Variants in TMEM116 observed in about 807,000 individuals in gnomAD.
TMEM116 encodes the protein transmembrane protein 116.
A neutral mutation model predicts 44.3 loss-of-function variants in TMEM116; 38 were observed. The ratio of observed to expected loss-of-function variants is 0.86; its 90% CI spans 0.66 to 1.12. The LOEUF is 1.12. Among genes scored for constraint, TMEM116 ranks in the 50% most tolerant of loss-of-function variants. TMEM116 has a pLI of 0.00. For synonymous variants in TMEM116, 132 were observed against 144.8 expected (o/e 0.91, Z 0.64); for missense variants, 354 against 401.7 (o/e 0.88, Z 1.01).
At chr12:111,998,705 C>A (rs867896727) in intron 3 of TMEM116, among the ~76,000 whole-genome samples, 3 of 152,116 alleles carry the variant, frequency 2.0e-5, no homozygotes, top group Non-Finnish European at 4.4e-5. Context: ...CCTGTAGTCC[C>A]AGCTACTTGG....
At chr12:111,995,463 G>A (rs113430299) in intron 3 of TMEM116, among the ~76,000 whole-genome samples, 11 of 152,254 alleles carry the variant, frequency 7.2e-5, no homozygotes, top group African/African-American at 2.6e-4. Context: ...TCAGTTCTAG[G>A]ACGGGCATGG....
intron 5 of TMEM116, among the ~76,000 whole-genome samples, chr12:111,938,701 G>A (rs1474642762): frequency 1.3e-5 from 2 of 152,102 alleles, no homozygotes; most frequent in South Asian, 2.1e-4. Flanking sequence ...GGTCAAATAT[G>A]CCCTTTGGAT....
chr12:111,959,350 A>G (rs12423436), intron 4 of TMEM116, among the ~76,000 whole-genome samples: 3 of 152,244 alleles, frequency 2.0e-5, no homozygotes, highest in Non-Finnish European at 4.4e-5. Flanking sequence ...TGAAGGAAGC[A>G]CTAAACATGG....
At chr12:111,935,613 CGTGTGTGTGTGTGTGTGTGTGTGT>C (rs35906022) in intron 8 of TMEM116, 4 of 120,298 alleles carry the variant, frequency 3.3e-5, no homozygotes, top group South Asian at 3.2e-4. Flanking sequence ...TGAGCCATCT[CGTGTGTGTGTGTGTGTGTGTGTGT>C]GTGTGTGTGT....
chr12:111,947,360 T>C (rs1487323814), intron 4 of TMEM116, among the ~76,000 whole-genome samples: 2 of 152,154 alleles, frequency 1.3e-5, no homozygotes, highest in African/African-American at 2.4e-5. Flanking sequence ...CTTTGGGTTA[T>C]TCCATTTGGC....
rs933924839 is a variant in TMEM116, at chr12:112,003,822, T to C, written c.56A>G (p.His19Arg). The C allele has an allele frequency of 4.0e-6, 6 of 1,514,058 alleles. No individual in the cohort carries two copies. Among genetic ancestry groups the C allele is most frequent in the African/African-American group, 1.4e-5 (1 of 71,496 alleles). The allele number at this position is 1,514,058 out of a possible 1,614,324, so 93.8% of individuals were successfully genotyped here. The change falls in exon 3 of 11, where the codon CAT (histidine) becomes CGT (arginine). Residue 19 changes from histidine (H) to arginine (R), a missense_variant. Transcript: ENST00000552374. ...CACCTCTGGAGATTTCTGTATATTA[T>C]GGAATACAGCATAGGCAATAAGTGA... ...SSSLIAYAVF[H>R]NIQKSPEIRP...
intron 4 of TMEM116, among the ~76,000 whole-genome samples, chr12:111,950,324 A>T (rs11066098): frequency 0.21 from 32,102 of 151,912 alleles, 3,818 homozygotes; most frequent in African/African-American, 0.32. Flanking sequence ...CCCAGAAACA[A>T]TGGAATAAGA....
intron 5 of TMEM116, among the ~76,000 whole-genome samples, chr12:111,941,140 G>A (rs1000667351): frequency 2.0e-5 from 3 of 152,218 alleles, no homozygotes; most frequent in African/African-American, 7.2e-5. Flanking sequence ...CACTTTGGGG[G>A]GCTGAGGAAG....
At chr12:112,000,099 AAAAC>A (rs1294439410) in intron 3 of TMEM116, among the ~76,000 whole-genome samples, 2 of 152,258 alleles carry the variant, frequency 1.3e-5, no homozygotes, top group Non-Finnish European at 2.9e-5. Flanking sequence ...TTAAAAAAGT[AAAAC>A]AAAATCATCA....
chr12:112,002,462 G>A (rs1445194063), intron 3 of TMEM116, among the ~76,000 whole-genome samples: 1 of 150,874 alleles, frequency 6.6e-6, no homozygotes, highest in Non-Finnish European at 1.5e-5. Context: ...CTACTTGGGA[G>A]GCTGAGGCAG....
At chr12:111,959,870 A>T (rs772480042) in intron 4 of TMEM116, among the ~76,000 whole-genome samples, 1 of 152,190 alleles carries the variant, frequency 6.6e-6, no homozygotes, top group Admixed American at 6.5e-5. Context: ...GTTCTTAGGG[A>T]CCTACAAAGA....
chr12:111,943,564 C>T (rs1468405701), intron 4 of TMEM116, among the ~76,000 whole-genome samples, 195 bp from the exon 5 acceptor site: 4 of 152,094 alleles, frequency 2.6e-5, no homozygotes, highest in East Asian at 1.9e-4. Flanking sequence ...ACAGAGTTTT[C>T]GCTATTGTTG....
rs1247859581 is a variant in TMEM116 at position 112,000,161 on chromosome 12, A to G, written c.78+3639T>C. On this transcript the variant is annotated intron_variant, in intron 3 of 10. Transcript: ENST00000552374. ...GATATATCAGAGAGTATTACTCCTC[A>G]ATAGTGTCTATAAATTTGAATTATT... Among the ~76,000 whole-genome samples, 5 of 152,262 alleles carry G rather than the reference A, an allele frequency of 3.3e-5. No homozygotes were observed. In the East Asian group the frequency reaches 9.6e-4, roughly 29 times the overall value.
At chr12:111,942,684 C>T (rs991555927) in intron 5 of TMEM116, among the ~76,000 whole-genome samples, 3 of 152,122 alleles carry the variant, frequency 2.0e-5, no homozygotes, top group South Asian at 2.1e-4. Context: ...GGCATGGAGT[C>T]AAGAAGAATT....
chr12:111,963,985 T>G (rs1018114019), intron 4 of TMEM116, among the ~76,000 whole-genome samples: 2 of 152,114 alleles, frequency 1.3e-5, no homozygotes. Context: ...ATGGTAGTTG[T>G]TTTTAAATGT....
chr12:111,999,473 G>A (rs1166645190), intron 3 of TMEM116, among the ~76,000 whole-genome samples: 2 of 151,886 alleles, frequency 1.3e-5, no homozygotes, highest in Non-Finnish European at 2.9e-5. Context: ...GCGCATGCCT[G>A]TAATCCCAGC....
intron 4 of TMEM116, among the ~76,000 whole-genome samples, chr12:111,958,618 G>A (rs1427628307): frequency 1.3e-5 from 2 of 152,120 alleles, no homozygotes; most frequent in African/African-American, 4.8e-5. Context: ...TAGACAAATT[G>A]CTAACTAGAA....
chr12:111,989,991 C>A (rs1028401782), intron 4 of TMEM116, among the ~76,000 whole-genome samples: 4 of 152,112 alleles, frequency 2.6e-5, no homozygotes, highest in African/African-American at 4.8e-5. Flanking sequence ...TGCAGTGGTT[C>A]ACGCCTGTAA....
rs2072328323 is a variant in TMEM116, at chr12:111,938,175, G to A, written c.351C>T (p.Ala117=). 2 of 1,597,388 alleles carry A rather than the reference G, an allele frequency of 1.3e-6. No individual in the cohort carries two copies. ...AAAAATTTTACCTTGAGAAAACAAA[G>A]GCCATTTGACAAACTCGACAAGTAT... ...IDYTCRVCQM[A]FVFSSLIPLL... Residue 117 remains alanine (A), a synonymous_variant, in exon 6 of 11, where the codon GCC becomes GCT. Transcript: ENST00000552374.
Sources: allele counts gnomAD v4.1 joint callset (sites outside exome capture counted in the v4.1 genomes callset), GRCh38; gene constraint gnomAD v4.1.1; transcripts MANE v1.5; gene names NCBI Gene and HGNC (gene_info 2026-07-23, HGNC 2026-07-21).